Variants in TET2 observed in about 807,000 individuals in gnomAD.
TET2 encodes the protein tet methylcytosine dioxygenase 2, also known as methylcytosine dioxygenase TET2.
In TET2, 299 loss-of-function variants were observed where a neutral mutation model predicts 142.9. The ratio of observed to expected loss-of-function variants is 2.09; its 90% CI spans 1.90 to 2.30. The LOEUF is 2.30. Among genes scored for constraint, TET2 ranks in the 30% most tolerant of loss-of-function variants. The probability of loss-of-function intolerance (pLI) is 0.00; values close to 1 mark genes in which losing one functional copy is unlikely to be tolerated. For missense variants in TET2, 2,418 were observed against 2,378.0 expected (o/e 1.02, Z -0.35); for synonymous variants, 819 against 849.0 (o/e 0.96, Z 0.61).
intron 2 of TET2, among the ~76,000 whole-genome samples, chr4:105,201,253 A>C (rs1306838598): frequency 6.6e-6 from 1 of 152,170 alleles, no homozygotes; most frequent in Admixed American, 6.5e-5. Flanking sequence ...AAACAAAATT[A>C]TCTCTTCTTC....
chr4:105,228,879 C>T (rs1483626427), intron 2 of TET2, among the ~76,000 whole-genome samples: 1 of 152,056 alleles, frequency 6.6e-6, no homozygotes, highest in Non-Finnish European at 1.5e-5. Flanking sequence ...GATTTTAAAA[C>T]CTAAAGTTTC....
chr4:105,269,603 T>C lies in TET2; in HGVS notation c.4045-7T>C. 6.4e-7 allele frequency: 1 copy of C among 1,551,438 alleles called. No individual in the cohort carries two copies. On this transcript the variant is annotated splice_polypyrimidine_tract_variant and splice_region_variant and intron_variant, in intron 8 of 10. Transcript: ENST00000380013. ...CTTTCGCATTCACACACACTTTTAT[T>C]TTTCAGATTGAATATGAACACAGAG...
At chr4:105,225,943 C>G (rs1728166881) in intron 2 of TET2, among the ~76,000 whole-genome samples, 1 of 152,064 alleles carries the variant, frequency 6.6e-6, no homozygotes, top group African/African-American at 2.4e-5. Flanking sequence ...CTTCAAATTC[C>G]ATGTCCTAAA....
At chr4:105,145,928 T>C (rs1722998733), upstream of TET2, 1 of 152,054 alleles carries the variant, frequency 6.6e-6, no homozygotes, top group African/African-American at 2.4e-5. Flanking sequence ...ATTTCCCAGT[T>C]TGTCGGGTCT....
intron 2 of TET2, among the ~76,000 whole-genome samples, chr4:105,203,554 G>A (rs1036904879): frequency 6.7e-6 from 1 of 150,174 alleles, no homozygotes; most frequent in Non-Finnish European, 1.5e-5. Context: ...ATTACATTTT[G>A]TATACCAATA....
chr4:105,153,297 A>T (rs1723403009), intron 1 of TET2, among the ~76,000 whole-genome samples: 1 of 152,186 alleles, frequency 6.6e-6, no homozygotes, highest in Non-Finnish European at 1.5e-5. Flanking sequence ...AGATGTCCTC[A>T]GTTTAACTTG....
intron 2 of TET2, chr4:105,202,351 G>C (rs551274442): frequency 6.6e-6 from 1 of 151,994 alleles, no homozygotes; most frequent in Non-Finnish European, 1.5e-5. Flanking sequence ...CCTCACCTTT[G>C]AAAAGCCTGA....
intron 6 of TET2, among the ~76,000 whole-genome samples, chr4:105,255,336 C>G (rs1730069381): frequency 6.6e-6 from 1 of 152,104 alleles, no homozygotes; most frequent in East Asian, 1.9e-4. Flanking sequence ...ATAATTTTAT[C>G]AGAAAACACA....
At chr4:105,177,961 G>C (rs187402479) in intron 1 of TET2, 1 of 152,180 alleles carries the variant, frequency 6.6e-6, no homozygotes, top group African/African-American at 2.4e-5. Context: ...GGCAGTGTGC[G>C]CCTGTAATCT....
At position 105,275,822 on chromosome 4, in the gene TET2, G is replaced by T; in HGVS notation, c.5312G>T (p.Gly1771Val). Residue 1771 changes from glycine (G) to valine (V), a missense_variant, in exon 11 of 11, where the codon GGC becomes GTC. Coordinates refer to ENST00000380013, the MANE Select transcript of TET2 (RefSeq NM_001127208.3). ...HIIHNYSAAP[G>V]MFNSSLHALH... is the part of the protein sequence containing the mutation. ...ATCCATAACTACAGTGCAGCTCCGG[G>T]CATGTTCAACAGCTCTCTTCATGCC... 6.4e-7 allele frequency: 1 copy of T among 1,551,716 alleles called. No homozygotes were observed. Among genetic ancestry groups the T allele is most frequent in the Non-Finnish European group, 8.7e-7 (1 of 1,146,998 alleles).
Position 105,234,028 on chromosome 4 carries a change from C to G in TET2, c.86C>G (p.Pro29Arg), listed in dbSNP as rs12498609. The G allele has an allele frequency of 0.032, 51,526 of 1,613,852 alleles. 2,390 individuals carry two copies. Among genetic ancestry groups the G allele is most frequent in the East Asian group, 0.2 (9,062 of 44,826 alleles). Residue 29 changes from proline to arginine, a missense_variant, in exon 3 of 11, where the codon CCT (proline) becomes CGT (arginine). Transcript: ENST00000380013. The stretch of plus-strand genomic sequence containing the variant: ...TCACCTCCCATTTGCCAGACAGAAC[C>G]TCTGGCTACAAAGCTCCAGAATGGA... The part of the protein sequence containing the change: ...IPSPPICQTE[P>R]LATKLQNGSP...
At chr4:105,261,210 A>G (rs1271200503) in intron 7 of TET2, among the ~76,000 whole-genome samples, 1 of 152,104 alleles carries the variant, frequency 6.6e-6, no homozygotes, top group Non-Finnish European at 1.5e-5. Context: ...GTGGGGGTGT[A>G]ACTGAGCATT....
At position 105,259,702 on chromosome 4, in the gene TET2, A is replaced by G; in HGVS notation, c.3887A>G (p.Asn1296Ser). 1 of 1,551,220 alleles carries G rather than the reference A, an allele frequency of 6.4e-7. No individual in the cohort carries two copies. The highest frequency in any genetic ancestry group is 8.7e-7 in the Non-Finnish European group (1 of 1,146,636). The change falls in exon 7 of 11, where the codon AAT (asparagine) becomes AGT (serine). Residue 1296 changes from asparagine (N) to serine (S), a missense_variant. Coordinates refer to ENST00000380013, the MANE Select transcript of TET2 (RefSeq NM_001127208.3). Reference protein sequence around the residue: ...SFGCSWSMYYNGCKFARSKIP... With the variant: ...SFGCSWSMYYSGCKFARSKIP... The stretch of plus-strand genomic sequence containing the variant: ...GGTTGTTCATGGAGCATGTACTACA[A>G]TGGATGTAAGTTTGCCAGAAGCAAG...
intron 1 of TET2, among the ~76,000 whole-genome samples, chr4:105,156,871 A>C (rs1472720887): frequency 3.3e-5 from 5 of 152,160 alleles, no homozygotes; most frequent in Admixed American, 2.0e-4. Context: ...TGGTCTTATT[A>C]ATTTTTTTAA....
At chr4:105,153,569 T>G (rs1723418124) in intron 1 of TET2, among the ~76,000 whole-genome samples, 1 of 152,222 alleles carries the variant, frequency 6.6e-6, no homozygotes, top group Non-Finnish European at 1.5e-5. Flanking sequence ...CATTTAATTC[T>G]CATCACAACC....
intron 8 of TET2, among the ~76,000 whole-genome samples, chr4:105,264,209 GAA>G (rs1282906791): frequency 6.6e-6 from 1 of 151,438 alleles, no homozygotes; most frequent in African/African-American, 2.4e-5. Flanking sequence ...GAATATCTAT[GAA>G]AAGTTTTTAA....
chr4:105,200,388 A>ATGTT (rs369955781), intron 2 of TET2, among the ~76,000 whole-genome samples: 113 of 151,520 alleles, frequency 7.5e-4, no homozygotes, highest in Non-Finnish European at 5.6e-4. Flanking sequence ...TTCAATGGGG[A>ATGTT]TGTTTGTTTG....
intron 8 of TET2, among the ~76,000 whole-genome samples, chr4:105,263,546 T>A (rs2110291555): frequency 1.3e-5 from 2 of 152,272 alleles, no homozygotes; most frequent in African/African-American, 4.8e-5. Flanking sequence ...TTAACTAGTA[T>A]CAGAAATTGG....
At chr4:105,171,270 A>T (rs1724450201) in intron 1 of TET2, 1 of 152,178 alleles carries the variant, frequency 6.6e-6, no homozygotes, top group African/African-American at 2.4e-5. Flanking sequence ...GATGTAGACC[A>T]ATACTATTAA....
Sources: allele counts gnomAD v4.1 joint callset (sites outside exome capture counted in the v4.1 genomes callset), GRCh38; gene constraint gnomAD v4.1.1; transcripts MANE v1.5; gene names NCBI Gene and HGNC (gene_info 2026-07-23, HGNC 2026-07-21).